TRHDE: variants seen among roughly 807,000 people sequenced by gnomAD.
The protein encoded by TRHDE is thyrotropin releasing hormone degrading enzyme.
TRHDE carries 72 observed loss-of-function variants against 125.7 expected under a neutral mutation model. The observed-to-expected ratio is 0.57, with a 90% CI of 0.47 to 0.70. The LOEUF (loss-of-function observed/expected upper bound fraction) is 0.70. Among genes scored for constraint, TRHDE ranks in the 30% least tolerant of loss-of-function variants. TRHDE has a pLI of 0.00. For synonymous variants in TRHDE, 509 were observed against 509.1 expected, an observed-to-expected ratio of 1.00 and a Z score of 0.00; for missense variants, 1,110 against 1,327.1, an observed-to-expected ratio of 0.84 and a Z score of 2.54.
Position 72,647,911 on chromosome 12 carries a change from T to C in TRHDE, c.2676-4411T>C, listed in dbSNP as rs549376574. On this transcript the variant is annotated intron_variant, in intron 15 of 18. Coordinates refer to ENST00000261180, the MANE Select transcript of TRHDE (RefSeq NM_013381.3). The stretch of plus-strand genomic sequence containing the variant: ...TTGATGAGGAACACTTCCAAACTTA[T>C]GTTACCAGCATCACCCTGGTAGCAA... Among the ~76,000 whole-genome samples the C allele has an allele frequency of 4.6e-5, 7 of 152,226 alleles. No individual in the cohort carries two copies. In the South Asian group the frequency reaches 8.3e-4, roughly 18 times the overall value.
At chr12:72,547,154 T>G (rs1869457261) in intron 7 of TRHDE, among the ~76,000 whole-genome samples, 1 of 150,250 alleles carries the variant, frequency 6.7e-6, no homozygotes. Context: ...TTTACTTGTT[T>G]TTTTTTTTTA....
chr12:72,304,657 C>T (rs183424576), intron 2 of TRHDE, among the ~76,000 whole-genome samples: 2 of 152,242 alleles, frequency 1.3e-5, no homozygotes, highest in African/African-American at 4.8e-5. Context: ...TCTGTCTGAT[C>T]GAGAGGACAG....
At chr12:72,179,994 A>G (rs949006044) in intron 2 of TRHDE, among the ~76,000 whole-genome samples, 2 of 151,916 alleles carry the variant, frequency 1.3e-5, no homozygotes, top group Admixed American at 6.6e-5. Context: ...GCTAATTAAT[A>G]CTATCTAATA....
intron 2 of TRHDE, among the ~76,000 whole-genome samples, chr12:72,324,913 C>T (rs1241578480): frequency 2.6e-5 from 4 of 152,120 alleles, no homozygotes; most frequent in Middle Eastern, 6.8e-3. Context: ...TCGTTCTAGA[C>T]ATTGGGTATG....
chr12:72,281,219 A>G (rs1311925271), intron 1 of TRHDE, among the ~76,000 whole-genome samples: 2 of 152,186 alleles, frequency 1.3e-5, no homozygotes, highest in Non-Finnish European at 2.9e-5. Context: ...TGCTTATAGT[A>G]TTGAATATTC....
chr12:72,383,946 T>G (rs535567074), intron 3 of TRHDE, among the ~76,000 whole-genome samples: 2 of 152,186 alleles, frequency 1.3e-5, no homozygotes, highest in Non-Finnish European at 2.9e-5. Context: ...AGGAATGATA[T>G]AACAGCTATT....
chr12:72,200,545 G>A lies in TRHDE; in HGVS notation n.279+94793G>A, dbSNP rs1035035111. The stretch of plus-strand genomic sequence containing the variant: ...CAGAAAACATGTTTTCTGAGCATAA[G>A]TGGCGAGTATTGACTGTTGGGAAAC... On this transcript the variant is annotated intron_variant and non_coding_transcript_variant, in intron 2 of 4. Transcript: ENST00000548156. 5.9e-5 allele frequency among the ~76,000 whole-genome samples: 9 copies of A among 152,256 alleles called. No homozygotes were observed. The East Asian group carries it at 1.7e-3, about 29-fold the overall frequency.
rs1337517528 is a variant in TRHDE, at chr12:72,280,626, G to T, written c.915-6055G>T. ...ATCTCCCAGCTTGGATCAAATACTG[G>T]GAGATGGAGAGGGTTGAGGGAGCAG... is the stretch of plus-strand genomic sequence containing the variant. On this transcript the variant is annotated intron_variant, in intron 1 of 18. Transcript: ENST00000261180. 2.0e-5 allele frequency among the ~76,000 whole-genome samples: 3 copies of T among 152,168 alleles called. No homozygotes were observed. In the East Asian group the frequency reaches 5.8e-4, roughly 29 times the overall value.
chr12:72,533,723 G>GTTTTTTTTTTTTTTTTTCTTTTTTTT, intron 6 of TRHDE, among the ~76,000 whole-genome samples: 2 of 97,898 alleles, frequency 2.0e-5, no homozygotes, highest in African/African-American at 3.6e-5. Context: ...TTTTCTATTT[G>GTTTTTTTTTTTTTTTTTCTTTTTTTT]TTTTTTTTTT....
upstream of TRHDE, among the ~76,000 whole-genome samples, chr12:72,270,926 A>G (rs1165324754): frequency 6.6e-6 from 1 of 152,258 alleles, no homozygotes; most frequent in East Asian, 1.9e-4. Flanking sequence ...TGGTCTATTG[A>G]TAACTATCCT....
intron 2 of TRHDE, among the ~76,000 whole-genome samples, chr12:72,318,464 A>T (rs143948426): frequency 6.6e-6 from 1 of 152,248 alleles, no homozygotes; most frequent in Admixed American, 6.5e-5. Flanking sequence ...GTGTCCTTAG[A>T]TACGATTATG....
chr12:72,238,782 C>G (rs1217813687), intron 2 of TRHDE, among the ~76,000 whole-genome samples: 1 of 152,148 alleles, frequency 6.6e-6, no homozygotes, highest in Non-Finnish European at 1.5e-5. Flanking sequence ...TTTTCTTTAT[C>G]AAGTCTATCA....
chr12:72,590,327 A>T (rs1254043720), intron 12 of TRHDE, among the ~76,000 whole-genome samples: 1 of 134,190 alleles, frequency 7.5e-6, no homozygotes, highest in Non-Finnish European at 1.5e-5. Context: ...AAGAATGTGT[A>T]TTCTGCTGTT....
intron 2 of TRHDE, among the ~76,000 whole-genome samples, chr12:72,127,960 T>C (rs1031583668): frequency 6.6e-6 from 1 of 151,918 alleles, no homozygotes; most frequent in East Asian, 1.9e-4. Context: ...ACTGAGAATC[T>C]GGGGGGACTA....
chr12:72,545,819 T>G (rs536964190), intron 7 of TRHDE, among the ~76,000 whole-genome samples: 69 of 151,744 alleles, frequency 4.5e-4, no homozygotes, highest in African/African-American at 1.5e-3. Flanking sequence ...GCTACAGTGG[T>G]TTTAGATGTT....
At chr12:72,140,838 A>T (rs775274677) in intron 2 of TRHDE, among the ~76,000 whole-genome samples, 2 of 152,198 alleles carry the variant, frequency 1.3e-5, no homozygotes, top group Non-Finnish European at 2.9e-5. Flanking sequence ...CAATAAAAAT[A>T]GTGTAACTCA....
chr12:72,382,918 C>T (rs1177329336), intron 3 of TRHDE, among the ~76,000 whole-genome samples: 2 of 152,266 alleles, frequency 1.3e-5, no homozygotes, highest in East Asian at 3.9e-4. Flanking sequence ...GAGTTTCCAC[C>T]TCCAGTAGTT....
intron 6 of TRHDE, among the ~76,000 whole-genome samples, chr12:72,501,966 A>G (rs1029723062): frequency 3.3e-5 from 5 of 152,106 alleles, no homozygotes; most frequent in African/African-American, 1.2e-4. Context: ...AAAGTTTTAC[A>G]GGATATATTC....
intron 2 of TRHDE, among the ~76,000 whole-genome samples, chr12:72,315,573 C>T (rs901447695): frequency 6.6e-6 from 1 of 152,182 alleles, no homozygotes; most frequent in Non-Finnish European, 1.5e-5. Context: ...TTATGGTATG[C>T]ACTTTCTCTC....
Sources: allele counts gnomAD v4.1 joint callset (sites outside exome capture counted in the v4.1 genomes callset), GRCh38; gene constraint gnomAD v4.1.1; transcripts MANE v1.5; gene names NCBI Gene and HGNC (gene_info 2026-07-23, HGNC 2026-07-21).